NHSL1: variants seen among roughly 807,000 people sequenced by gnomAD.
NHSL1 encodes the protein NHS like 1.
Under a neutral mutation model 95.0 loss-of-function variants are expected in NHSL1, and 48 were observed. The observed-to-expected ratio is 0.51, with a 90% CI of 0.40 to 0.64. NHSL1 has a LOEUF of 0.64. Ranked by LOEUF, NHSL1 falls within the 30% of genes least tolerant of loss-of-function variation. NHSL1 has a pLI of 0.00. For missense variants in NHSL1, 1,971 were observed against 2,077.7 expected (o/e 0.95, Z 1.00); for synonymous variants, 783 against 833.9 (o/e 0.94, Z 1.05).
At chr6:138,436,841 T>C (rs1346134780) in intron 5 of NHSL1, among the ~76,000 whole-genome samples, 1 of 152,216 alleles carries the variant, frequency 6.6e-6, no homozygotes, top group African/African-American at 2.4e-5. Flanking sequence ...TTATGCTAAA[T>C]AGAGTCTGCC....
intron 1 of NHSL1, among the ~76,000 whole-genome samples, chr6:138,615,062 G>A (rs1784561303): frequency 6.6e-6 from 1 of 151,912 alleles, no homozygotes; most frequent in South Asian, 2.1e-4. Flanking sequence ...CAAACACCAA[G>A]ATGATGGGAA....
intron 3 of NHSL1, among the ~76,000 whole-genome samples, chr6:138,457,067 GAC>G (rs926856645): frequency 6.6e-6 from 1 of 152,064 alleles, no homozygotes; most frequent in Non-Finnish European, 1.5e-5. Flanking sequence ...TTTCAGTAGA[GAC>G]AGGGTTTCAC....
chr6:138,666,419 G>A lies in NHSL1; in HGVS notation c.96+26057C>T, dbSNP rs1333889332. The stretch of plus-strand genomic sequence containing the variant: ...ATCCTGGCTAACACGGTGAAACCCC[G>A]TCTCTACTAAAAATACAAAAAAATT... On this transcript the variant is annotated intron_variant, in intron 1 of 3. Transcript: ENST00000491526. Among the ~76,000 whole-genome samples the A allele has an allele frequency of 1.3e-5, 2 of 151,798 alleles. 1 individual carries two copies. Among genetic ancestry groups the A allele is most frequent in the Non-Finnish European group, 2.9e-5 (2 of 67,954 alleles).
Position 138,424,122 on chromosome 6 carries a change from G to A in NHSL1, c.4780C>T (p.Pro1594Ser), listed in dbSNP as rs1775086409. Residue 1594 changes from proline (P) to serine (S), a missense_variant, in exon 8 of 8, where the codon CCC becomes TCC. Transcript: ENST00000343505. The surrounding 1 kb of genome is among the most constrained non-coding windows in gnomAD (Gnocchi z 5.9). The part of the protein sequence containing the change: ...DGTASAEGRE[P>S]SPQCGGSLSE... ...AGAGAACCGCCACACTGTGGGGAGGGCTCTCTGCCCTCTGCACTGGCTGTC... is the reference window on the plus strand; with the variant it reads ...AGAGAACCGCCACACTGTGGGGAGGACTCTCTGCCCTCTGCACTGGCTGTC... The A allele has an allele frequency of 5.6e-6, 8 of 1,417,824 alleles. No homozygotes were observed. Among genetic ancestry groups the A allele is most frequent in the South Asian group, 1.6e-5 (1 of 62,820 alleles). 87.8% of individuals were successfully genotyped at this position (1,417,824 alleles called of 1,614,324 possible). A position where few individuals can be genotyped will look rare whatever the true frequency, so the allele number is the denominator to read the frequency against.
chr6:138,544,489 A>C (rs1782705526), intron 1 of NHSL1, among the ~76,000 whole-genome samples: 1 of 152,094 alleles, frequency 6.6e-6, no homozygotes, highest in Non-Finnish European at 1.5e-5. Flanking sequence ...TATCCCAAAC[A>C]CCAAGTTCAA....
Position 138,432,631 on chromosome 6 carries a change from T to C in NHSL1, c.1714A>G (p.Thr572Ala), listed in dbSNP as rs1056688426. The C allele has an allele frequency of 1.9e-6, 3 of 1,551,338 alleles. No individual in the cohort carries two copies. In the African/African-American group the frequency reaches 4.1e-5, roughly 21 times the overall value. Reference protein sequence around the residue: ...RASPLKPHLATPGYSTPTSNM... With the variant: ...RASPLKPHLAAPGYSTPTSNM... Reference sequence around the variant, plus strand: ...CTTGTGGGAGTGGAATAGCCAGGAGTTGCTAAATGCGGCTTCAGGGGGGAT... The same window carrying C: ...CTTGTGGGAGTGGAATAGCCAGGAGCTGCTAAATGCGGCTTCAGGGGGGAT... The change falls in exon 6 of 8, where the codon ACT (threonine) becomes GCT (alanine). Residue 572 changes from threonine (T) to alanine (A), a missense_variant. Around this residue, in one of 3 missense-constraint regions of NHSL1, gnomAD observed 1,602 missense variants for 1,654.5 expected, o/e 0.97. Transcript: ENST00000343505. This position sits in a 1 kb window ranked among gnomAD's most constrained non-coding sequence, Gnocchi z 4.4.
chr6:138,674,719 C>T (rs1457673193), intron 1 of NHSL1, among the ~76,000 whole-genome samples: 3 of 152,174 alleles, frequency 2.0e-5, no homozygotes, highest in Non-Finnish European at 2.9e-5. Context: ...CAGTCTATCA[C>T]TGATGGGCAT....
intron 1 of NHSL1, among the ~76,000 whole-genome samples, chr6:138,648,790 G>A (rs1273507402): frequency 6.6e-6 from 1 of 151,926 alleles, no homozygotes; most frequent in African/African-American, 2.4e-5. Flanking sequence ...AACTTATACT[G>A]TATTCCTGGG....
intron 1 of NHSL1, among the ~76,000 whole-genome samples, chr6:138,627,660 G>C (rs949606321): frequency 1.3e-5 from 2 of 152,002 alleles, no homozygotes; most frequent in African/African-American, 4.8e-5. Flanking sequence ...GAGGCAGGTG[G>C]ATCACGAGGT....
intron 1 of NHSL1, among the ~76,000 whole-genome samples, chr6:138,689,218 G>A (rs1437838428): frequency 2.6e-5 from 4 of 152,068 alleles, no homozygotes; most frequent in East Asian, 3.8e-4. Context: ...ACAAAGACTC[G>A]GCCATCCTGG....
intron 1 of NHSL1, among the ~76,000 whole-genome samples, chr6:138,592,619 C>CAAAAAAA (rs1315644642): frequency 1.5e-4 from 23 of 150,454 alleles, no homozygotes; most frequent in South Asian, 1.5e-3. Flanking sequence ...CAAAAAACAA[C>CAAAAAAA]AAAAAACAAA....
intron 1 of NHSL1, among the ~76,000 whole-genome samples, chr6:138,652,510 AC>A (rs1785106293): frequency 1.3e-5 from 2 of 152,114 alleles, no homozygotes; most frequent in Non-Finnish European, 1.5e-5. Flanking sequence ...TTCTAAAATT[AC>A]TTTAAAATCT....
At chr6:138,644,099 AAAACTT>A (rs1196220735) in intron 1 of NHSL1, among the ~76,000 whole-genome samples, 1 of 152,212 alleles carries the variant, frequency 6.6e-6, no homozygotes, top group Non-Finnish European at 1.5e-5. Flanking sequence ...TATTACAAAC[AAAACTT>A]ACTTCTCAAA....
chr6:138,569,162 CA>C (rs753108391), intron 1 of NHSL1, among the ~76,000 whole-genome samples: 1 of 152,130 alleles, frequency 6.6e-6, no homozygotes, highest in African/African-American at 2.4e-5. Context: ...AGAGATCCCA[CA>C]GGGGGACAAC....
At chr6:138,671,860 C>T (rs181481043) in intron 1 of NHSL1, among the ~76,000 whole-genome samples, 1 of 152,220 alleles carries the variant, frequency 6.6e-6, no homozygotes, top group East Asian at 1.9e-4. Flanking sequence ...GTGGACACTG[C>T]TTTAACGCTA....
intron 1 of NHSL1, among the ~76,000 whole-genome samples, chr6:138,604,618 GATTT>G (rs2114572833): frequency 6.6e-6 from 1 of 152,266 alleles, no homozygotes; most frequent in African/African-American, 2.4e-5. Context: ...TTTGCACTAT[GATTT>G]ATTTATTTAA....
intron 1 of NHSL1, among the ~76,000 whole-genome samples, chr6:138,676,818 C>T (rs913056993): frequency 6.6e-6 from 1 of 152,156 alleles, no homozygotes; most frequent in African/African-American, 2.4e-5. Flanking sequence ...CTACACCTGG[C>T]TAATTTTTGT....
At chr6:138,470,384 G>A (rs1421422921) in intron 3 of NHSL1, among the ~76,000 whole-genome samples, 1 of 152,024 alleles carries the variant, frequency 6.6e-6, no homozygotes, top group East Asian at 1.9e-4. Flanking sequence ...TGACTTCCCG[G>A]GCTTAAGCAA....
intron 1 of NHSL1, among the ~76,000 whole-genome samples, chr6:138,689,361 A>G (rs1322903280): frequency 6.6e-6 from 1 of 152,198 alleles, no homozygotes; most frequent in African/African-American, 2.4e-5. Flanking sequence ...GGAGTCTTCA[A>G]TGAACAGAAT....
Sources: allele counts gnomAD v4.1 joint callset (sites outside exome capture counted in the v4.1 genomes callset), GRCh38; gene constraint gnomAD v4.1.1; regional missense constraint gnomAD v4.1.1; non-coding constraint Gnocchi (gnomAD v3.1); transcripts MANE v1.5; gene names NCBI Gene and HGNC (gene_info 2026-07-23, HGNC 2026-07-21).